The following ZFHX4 variants were observed in gnomAD, a reference collection of about 807,000 sequenced individuals.
ZFHX4 encodes zinc finger homeobox 4.
In ZFHX4, 56 loss-of-function variants were observed where a neutral mutation model predicts 267.6. That is an observed-to-expected ratio of 0.21 (90% CI 0.17 to 0.26). ZFHX4 has a LOEUF of 0.26. ZFHX4 is among the 10% of genes least tolerant of loss of function. ZFHX4 has a pLI of 1.00. For missense variants in ZFHX4, 4,332 were observed against 4,420.0 expected (o/e 0.98, Z 0.56); for synonymous variants, 1,778 against 1,665.6 (o/e 1.07, Z -1.64).
intron 3 of ZFHX4, among the ~76,000 whole-genome samples, chr8:76,710,764 A>G (rs1808402520): frequency 6.6e-6 from 1 of 152,118 alleles, no homozygotes; most frequent in Admixed American, 6.6e-5. Context: ...TGAATAGGCC[A>G]CTTTACCTCT....
intron 4 of ZFHX4, among the ~76,000 whole-genome samples, chr8:76,791,666 G>A (rs540579668): frequency 2.6e-5 from 4 of 152,026 alleles, no homozygotes; most frequent in Non-Finnish European, 5.9e-5. Context: ...GGAGAAAACA[G>A]GATTTTAATC....
intron 4 of ZFHX4, among the ~76,000 whole-genome samples, chr8:76,802,316 T>A (rs1811136475): frequency 6.6e-6 from 1 of 152,166 alleles, no homozygotes; most frequent in Non-Finnish European, 1.5e-5. Context: ...ATACACCGTA[T>A]AAAGAGAGCA....
chr8:76,696,197 A>G (rs1373014219), intron 1 of ZFHX4, among the ~76,000 whole-genome samples: 2 of 152,176 alleles, frequency 1.3e-5, no homozygotes, highest in African/African-American at 4.8e-5. Context: ...TGTAGACACT[A>G]ATCTTAAATT....
chr8:76,811,600 G>A (rs933490396), intron 4 of ZFHX4, among the ~76,000 whole-genome samples: 3 of 152,086 alleles, frequency 2.0e-5, no homozygotes, highest in Non-Finnish European at 2.9e-5. Flanking sequence ...ATTTGGTTTG[G>A]CCTTCTGTAC....
intron 3 of ZFHX4, among the ~76,000 whole-genome samples, chr8:76,762,737 A>G (rs1809949328): frequency 6.6e-6 from 1 of 152,212 alleles, no homozygotes; most frequent in Non-Finnish European, 1.5e-5. Context: ...TCAATCTTAT[A>G]GATGCCAATC....
chr8:76,814,033 C>T (rs74632643), intron 4 of ZFHX4, among the ~76,000 whole-genome samples: 3 of 151,954 alleles, frequency 2.0e-5, no homozygotes, highest in Non-Finnish European at 2.9e-5. Context: ...TGACAATAAC[C>T]GTCATCATGC....
intron 3 of ZFHX4, among the ~76,000 whole-genome samples, chr8:76,740,536 A>G (rs1212301446): frequency 1.3e-5 from 2 of 152,146 alleles, no homozygotes; most frequent in Non-Finnish European, 2.9e-5. Context: ...AGAAAGAGTC[A>G]AGGAGAAAAC....
intron 3 of ZFHX4, among the ~76,000 whole-genome samples, chr8:76,777,885 G>GTTT (rs200762181): frequency 7.6e-6 from 1 of 131,490 alleles, no homozygotes; most frequent in African/African-American, 2.8e-5. Context: ...TTTGTTTTTT[G>GTTT]TTTTTTTTTT....
intron 4 of ZFHX4, among the ~76,000 whole-genome samples, chr8:76,824,488 C>A (rs1811734821): frequency 6.6e-6 from 1 of 152,078 alleles, no homozygotes; most frequent in African/African-American, 2.4e-5. Context: ...CCTTCTTTTG[C>A]AAGGAAAAAA....
chr8:76,817,337 TCTC>T (rs533989099), intron 4 of ZFHX4, among the ~76,000 whole-genome samples: 156 of 152,330 alleles, frequency 1.0e-3, no homozygotes, highest in African/African-American at 3.5e-3. Context: ...TCAGTCTTCT[TCTC>T]ATTTGTAGAA....
chr8:76,783,903 A>G (rs1369513145), intron 4 of ZFHX4, among the ~76,000 whole-genome samples: 3 of 152,016 alleles, frequency 2.0e-5, no homozygotes, highest in African/African-American at 7.2e-5. Flanking sequence ...AGCTTTATGT[A>G]TGTTTCTCAT....
At chr8:76,775,738 G>C (rs980614696) in intron 3 of ZFHX4, among the ~76,000 whole-genome samples, 4 of 152,096 alleles carry the variant, frequency 2.6e-5, no homozygotes, top group African/African-American at 9.7e-5. Context: ...GATAATAGGA[G>C]CCTTGCTGTT....
chr8:76,682,529 C>A (rs1807565532), intron 1 of ZFHX4: 1 of 152,322 alleles, frequency 6.6e-6, no homozygotes. Flanking sequence ...GAGGCGGGAT[C>A]GCCCGGCCTC....
At position 76,706,604 on chromosome 8, in the gene ZFHX4, C is replaced by G; in HGVS notation, c.2516C>G (p.Pro839Arg). The change falls in exon 2 of 11, where the codon CCT becomes CGT. Residue 839 changes from proline to arginine, a missense_variant. Pro to Arg is a moderately radical substitution (Grantham distance 103). Around this residue, in one of 7 missense-constraint regions of ZFHX4, gnomAD observed 1,195 missense variants for 1,173.6 expected, o/e 1.02. Coordinates refer to ENST00000651372, the MANE Select transcript of ZFHX4 (RefSeq NM_024721.5). ...IGLTGMKLEN[P>R]ADPQLMINPF... ...CTGACCGGAATGAAGCTGGAAAACC[C>G]TGCCGACCCTCAGCTGATGATCAAT... 6.2e-7 allele frequency: 1 copy of G among 1,608,882 alleles called. No homozygotes were observed.
chr8:76,841,188 G>A (rs1047967314), intron 5 of ZFHX4, among the ~76,000 whole-genome samples: 2 of 152,140 alleles, frequency 1.3e-5, no homozygotes, highest in Non-Finnish European at 2.9e-5. Flanking sequence ...TGTATTAAAT[G>A]TCCTTGTTTT....
chr8:76,852,210 G>C lies in ZFHX4; in HGVS notation c.5289G>C (p.Gly1763=). 9 of 1,613,652 alleles carry C rather than the reference G, an allele frequency of 5.6e-6. No individual in the cohort carries two copies. The highest frequency in any genetic ancestry group is 7.6e-6 in the Non-Finnish European group (9 of 1,179,750). The change falls in exon 10 of 11, where the codon GGG becomes GGC. Residue 1763 remains glycine, a synonymous_variant. Transcript: ENST00000651372. ...GCTTGCCAGGCTCTGCCACATTTGG[G>C]ATGCCTGGCATGACAGGAATGGCTG... The part of the protein sequence containing the change: ...DLGLPGSATF[G]MPGMTGMAGS...
At position 76,763,773 on chromosome 8, in the gene ZFHX4, A is replaced by T. The variant is rs560094890; in HGVS notation, c.3094-14435A>T. ...AAAAAATGTGCTATAGGCGTAGGAA[A>T]TATTAACTAGAAAAACATATAAGCT... On this transcript the variant is annotated intron_variant, in intron 3 of 10. Coordinates refer to ENST00000651372, the MANE Select transcript of ZFHX4 (RefSeq NM_024721.5). Among the ~76,000 whole-genome samples, 3 of 152,346 alleles carry T rather than the reference A, an allele frequency of 2.0e-5. No individual in the cohort carries two copies. In the South Asian group the frequency reaches 6.2e-4, roughly 32 times the overall value.
At chr8:76,838,232 C>G (rs539660673) in intron 5 of ZFHX4, among the ~76,000 whole-genome samples, 115 of 152,310 alleles carry the variant, frequency 7.6e-4, no homozygotes, top group Middle Eastern at 3.4e-3. Flanking sequence ...GGAAACTCAA[C>G]AGAGAGGCAA....
chr8:76,855,133 A>G lies in ZFHX4; in HGVS notation c.8212A>G (p.Thr2738Ala). 1.2e-6 allele frequency: 2 copies of G among 1,613,762 alleles called. No homozygotes were observed. Among genetic ancestry groups the G allele is most frequent in the Non-Finnish European group, 1.7e-6 (2 of 1,179,772 alleles). The change falls in exon 10 of 11, where the codon ACT becomes GCT. Residue 2738 changes from threonine (T) to alanine (A), a missense_variant. Transcript: ENST00000651372. ...TTTTGATTACCCATCTTTGCCATTA[A>G]CTAAAATTGATCTATCAAGTGAGAA... ...IYFDYPSLPL[T>A]KIDLSSENEL...
Sources: gnomAD v4.1 joint callset for allele counts (sites outside exome capture counted in the v4.1 genomes callset) on GRCh38, gnomAD v4.1.1 for gene constraint, gnomAD v4.1.1 regional missense constraint, MANE v1.5 for transcripts, NCBI Gene and HGNC (gene_info 2026-07-23, HGNC 2026-07-21) for gene names.